Variants in HADHA observed in about 807,000 individuals in gnomAD.
HADHA encodes hydroxyacyl-CoA dehydrogenase trifunctional multienzyme complex subunit alpha.
In HADHA, 59 loss-of-function variants were observed where a neutral mutation model predicts 91.3. The observed-to-expected ratio is 0.65, with a 90% CI of 0.52 to 0.80. The LOEUF (loss-of-function observed/expected upper bound fraction) is 0.80, where lower values mean the gene tolerates loss of function less well. Among genes scored for constraint, HADHA ranks in the 30% least tolerant of loss-of-function variants. The pLI, the probability that HADHA is intolerant of heterozygous loss-of-function variation, is 0.00. For missense variants in HADHA, 800 were observed against 927.6 expected (o/e 0.86, Z 1.79); for synonymous variants, 320 against 338.9 (o/e 0.94, Z 0.61).
chr2:26,232,320 A>T (rs1281757935), intron 5 of HADHA, 41 bp from the exon 6 acceptor site: 1 of 1,488,752 alleles, frequency 6.7e-7, no homozygotes, highest in Non-Finnish European at 9.4e-7. Flanking sequence ...TAGAAAATGT[A>T]ACTTAGTAGC....
rs112329465 is a variant in HADHA, at chr2:26,236,528, C to T, written c.314+327G>A. Among the ~76,000 whole-genome samples the T allele has an allele frequency of 5.5e-3, 837 of 151,590 alleles. 7 individuals carry two copies. The highest frequency in any genetic ancestry group is 0.019 in the African/African-American group (782 of 41,236). On this transcript the variant is annotated intron_variant, in intron 4 of 19. Coordinates refer to ENST00000380649, the MANE Select transcript of HADHA (RefSeq NM_000182.5). ...CTGCCTCCCAGGTTCAAGGGATTTT[C>T]GTGCCACAGCCTCCTGAGTAGCTGA... is the stretch of plus-strand genomic sequence containing the variant.
At chr2:26,220,528 G>C (rs369981713) in intron 7 of HADHA, among the ~76,000 whole-genome samples, 4 of 152,240 alleles carry the variant, frequency 2.6e-5, no homozygotes, top group Admixed American at 1.3e-4. Context: ...GCAGAAAACA[G>C]ATGGATCCTA....
intron 1 of HADHA, among the ~76,000 whole-genome samples, chr2:26,239,886 C>T (rs1670850244): frequency 1.3e-5 from 2 of 152,232 alleles, no homozygotes; most frequent in Admixed American, 1.3e-4. Context: ...AGCTGTGTGA[C>T]TGTGAACAAG....
At chr2:26,234,540 G>C (rs970759188) in intron 4 of HADHA, among the ~76,000 whole-genome samples, 185 bp from the exon 5 acceptor site, 3 of 152,150 alleles carry the variant, frequency 2.0e-5, no homozygotes, top group Non-Finnish European at 4.4e-5. Context: ...TCTCCATAAA[G>C]AGTGTTAAAC....
In HADHA at chr2:26,210,387, C is replaced by T. The variant is rs1670070977; in HGVS notation, c.976-498G>A. On this transcript the variant is annotated intron_variant, in intron 10 of 19. Coordinates refer to ENST00000380649, the MANE Select transcript of HADHA (RefSeq NM_000182.5). This position sits in a 1 kb window ranked among gnomAD's most constrained non-coding sequence, Gnocchi z 4.0. ...TTGAGATGGAGTCTCGCACTGTCAC[C>T]CAGGCTGGAGTGCAGTGGCACGATC... Among the ~76,000 whole-genome samples the T allele has an allele frequency of 6.6e-6, 1 of 152,188 alleles. No individual in the cohort carries two copies. Among genetic ancestry groups the T allele is most frequent in the African/African-American group, 2.4e-5 (1 of 41,456 alleles).
chr2:26,195,049 G>C, intron 15 of HADHA, 43 bp downstream of exon 15: 1 of 1,531,874 alleles, frequency 6.5e-7, no homozygotes, highest in Non-Finnish European at 9.0e-7. Flanking sequence ...AGTCTTATTA[G>C]AACTTTTCAA....
At chr2:26,232,561 T>G (rs551799867) in intron 5 of HADHA, among the ~76,000 whole-genome samples, 2 of 152,194 alleles carry the variant, frequency 1.3e-5, no homozygotes, top group Non-Finnish European at 2.9e-5. Flanking sequence ...CAATTTTATA[T>G]GGACCCCAGG....
intron 13 of HADHA, among the ~76,000 whole-genome samples, chr2:26,198,314 A>G (rs191861861): frequency 7.2e-5 from 11 of 152,166 alleles, no homozygotes; most frequent in African/African-American, 2.7e-4. Flanking sequence ...CACCTGGAGA[A>G]TAGTCTCTAA....
Position 26,238,997 on chromosome 2 carries a change from G to GA in HADHA, c.116_117insT (p.His40ProfsTer3). 6.2e-7 allele frequency: 1 copy of GA among 1,604,110 alleles called. No homozygotes were observed. The highest frequency in any genetic ancestry group is 8.5e-7 in the Non-Finnish European group (1 of 1,171,260). On this transcript the variant is annotated frameshift_variant, in exon 3 of 20. Transcript: ENST00000380649. LOFTEE classifies it high-confidence loss of function. Reference sequence around the variant, plus strand: ...CCCCTTTGACTCCATAGTTAATATGGGTTCTGGCTAAAAAGAAAAGAAAGA... The same window carrying GA: ...CCCCTTTGACTCCATAGTTAATATGGAGTTCTGGCTAAAAAGAAAAGAAAGA...
At position 26,201,431 on chromosome 2, in the gene HADHA, T is replaced by C. The variant is rs1035907661; in HGVS notation, c.1221-111A>G. 3.6e-5 allele frequency: 26 copies of C among 729,462 alleles called. No homozygotes were observed. The African/African-American group carries it at 4.2e-4, about 12-fold the overall frequency. 45.2% of individuals were successfully genotyped at this position (729,462 alleles called of 1,614,324 possible). On this transcript the variant is annotated intron_variant, in intron 12 of 19. Coordinates refer to ENST00000380649, the MANE Select transcript of HADHA (RefSeq NM_000182.5). Reference sequence around the variant, plus strand: ...TTTCACCAACTCTGTGAGGTAGTTATTCTATTACTCCCATTTTGAGGGAGA... The same window carrying C: ...TTTCACCAACTCTGTGAGGTAGTTACTCTATTACTCCCATTTTGAGGGAGA...
intron 7 of HADHA, among the ~76,000 whole-genome samples, chr2:26,225,486 A>G (rs1046599730): frequency 6.6e-6 from 1 of 152,142 alleles, no homozygotes; most frequent in Non-Finnish European, 1.5e-5. Flanking sequence ...CAAAAATATC[A>G]TAAGAAAATT....
intron 13 of HADHA, 110 bp downstream of exon 13, chr2:26,201,039 A>G (rs1669818757): frequency 1.2e-6 from 1 of 841,830 alleles, no homozygotes. Flanking sequence ...GCCTTTGAAT[A>G]GTCCTTTTTA....
At chr2:26,207,035 A>T (rs1669986851) in intron 11 of HADHA, among the ~76,000 whole-genome samples, 1 of 152,160 alleles carries the variant, frequency 6.6e-6, no homozygotes, top group African/African-American at 2.4e-5. Context: ...TCATCTCTAC[A>T]AAATATTTGA....
At position 26,191,147 on chromosome 2, in the gene HADHA, T is replaced by C; in HGVS notation, c.*103A>G. ...AGGGAGCAAACCCAGTGCCGGAGTT[T>C]GTCTTCTCGTTACTCTGATAAATCT... is the stretch of plus-strand genomic sequence containing the variant. On this transcript the variant is annotated 3_prime_UTR_variant, in exon 20 of 20. Coordinates refer to ENST00000380649, the MANE Select transcript of HADHA (RefSeq NM_000182.5). 8.3e-7 allele frequency: 1 copy of C among 1,205,860 alleles called. No homozygotes were observed. The highest frequency in any genetic ancestry group is 1.5e-5 in the African/African-American group (1 of 67,368). 74.7% of individuals were successfully genotyped at this position (1,205,860 alleles called of 1,614,324 possible).
chr2:26,229,231 G>A lies in HADHA; in HGVS notation c.676+961C>T, dbSNP rs1008107475. Among the ~76,000 whole-genome samples the A allele has an allele frequency of 3.3e-5, 5 of 151,730 alleles. No individual in the cohort carries two copies. Among genetic ancestry groups the A allele is most frequent in the Non-Finnish European group, 7.4e-5 (5 of 67,942 alleles). ...CGTATGCCTGTGGTCTCAGCTACTC[G>A]GGGGGCACAAGTGGGAAGATCATTT... On this transcript the variant is annotated intron_variant, in intron 7 of 19. Transcript: ENST00000380649. This position sits in a 1 kb window ranked among gnomAD's most constrained non-coding sequence, Gnocchi z 4.3.
Position 26,215,084 on chromosome 2 carries a change from G to A in HADHA, c.768C>T (p.Ile256=), listed in dbSNP as rs1245138981. The change falls in exon 8 of 20, where the codon ATC becomes ATT. Residue 256 remains isoleucine, a synonymous_variant. Coordinates refer to ENST00000380649, the MANE Select transcript of HADHA (RefSeq NM_000182.5). ...TFAKGLADKK[I]SPKRDKGLVE... The stretch of plus-strand genomic sequence containing the variant: ...CCAATCCCTTGTCTCTCTTTGGAGA[G>A]ATCTTCTTATCAGCTAGTCCTTTGG... 4.3e-6 allele frequency: 7 copies of A among 1,609,342 alleles called. No homozygotes were observed. Among genetic ancestry groups the A allele is most frequent in the African/African-American group, 2.7e-5 (2 of 74,838 alleles).
chr2:26,228,287 C>T (rs941317300), intron 7 of HADHA, among the ~76,000 whole-genome samples: 2 of 152,092 alleles, frequency 1.3e-5, no homozygotes, highest in African/African-American at 4.8e-5. Flanking sequence ...CACACCACTA[C>T]ACCCAGCTAA....
chr2:26,204,333 T>A, intron 11 of HADHA, 137 bp from the exon 12 acceptor site: 1 of 837,572 alleles, frequency 1.2e-6, no homozygotes, highest in Non-Finnish European at 2.0e-6. Context: ...TTTTATTTAT[T>A]AAAAACACAG....
At chr2:26,240,395 T>G (rs1670862398) in intron 1 of HADHA, among the ~76,000 whole-genome samples, 1 of 152,126 alleles carries the variant, frequency 6.6e-6, no homozygotes, top group South Asian at 2.1e-4. Flanking sequence ...AAGAATCAGT[T>G]CCTACTCAGT....
Sources: gnomAD v4.1 joint callset for allele counts (sites outside exome capture counted in the v4.1 genomes callset) on GRCh38, gnomAD v4.1.1 for gene constraint, Gnocchi (gnomAD v3.1) non-coding constraint, MANE v1.5 for transcripts, NCBI Gene and HGNC (gene_info 2026-07-23, HGNC 2026-07-21) for gene names.